RGSL1: variants seen among roughly 807,000 people sequenced by gnomAD.
RGSL1 encodes the protein regulator of G protein signaling protein-like.
Under a neutral mutation model 124.7 loss-of-function variants are expected in RGSL1, and 97 were observed. The observed-to-expected ratio is 0.78, with a 90% CI of 0.66 to 0.92. The LOEUF is 0.92. RGSL1 is among the 40% of genes least tolerant of loss of function. RGSL1 has a pLI of 0.00. For synonymous variants in RGSL1, 424 were observed against 438.1 expected, an observed-to-expected ratio of 0.97 and a Z score of 0.40; for missense variants, 1,233 against 1,288.4, an observed-to-expected ratio of 0.96 and a Z score of 0.66.
At chr1:182,502,603 G>T (rs1012431579) in intron 9 of RGSL1, among the ~76,000 whole-genome samples, 1 of 151,974 alleles carries the variant, frequency 6.6e-6, no homozygotes, top group Non-Finnish European at 1.5e-5. Flanking sequence ...AACAGATTTA[G>T]CATGCTGTTC....
Position 182,472,392 on chromosome 1 carries a change from G to T in RGSL1, c.302-4G>T. 6.5e-7 allele frequency: 1 copy of T among 1,547,878 alleles called. No homozygotes were observed. Among genetic ancestry groups the T allele is most frequent in the Non-Finnish European group, 8.7e-7 (1 of 1,144,402 alleles). ...GCTCTGTGCCTCTTCTGTCTCACCC[G>T]TAGGTGAAGAATTGGTGGATTTCTG... On this transcript the variant is annotated splice_region_variant and splice_polypyrimidine_tract_variant and intron_variant, in intron 4 of 21. Transcript: ENST00000294854.
chr1:182,475,363 G>A (rs940409815), intron 6 of RGSL1, among the ~76,000 whole-genome samples: 2 of 152,168 alleles, frequency 1.3e-5, no homozygotes, highest in African/African-American at 2.4e-5. Context: ...CAAGTTCTTA[G>A]CAGAAAGCAA....
chr1:182,489,152 A>C lies in RGSL1; in HGVS notation c.1667A>C (p.Lys556Thr). The C allele has an allele frequency of 6.4e-7, 1 of 1,551,750 alleles. No homozygotes were observed. The highest frequency in any genetic ancestry group is 8.7e-7 in the Non-Finnish European group (1 of 1,147,006). Reference protein sequence around the residue: ...QWRKIATEDLKQGGSLQVELT... With the variant: ...QWRKIATEDLTQGGSLQVELT... ...CGAAAGATAGCTACTGAGGACCTGA[A>C]GCAAGGAGGCTCTCTCCAGGTAGAG... Residue 556 changes from lysine to threonine, a missense_variant, in exon 8 of 22, where the codon AAG becomes ACG. Transcript: ENST00000294854.
chr1:182,504,461 A>T lies in RGSL1; in HGVS notation c.1825+11332A>T, dbSNP rs541964760. Among the ~76,000 whole-genome samples the T allele has an allele frequency of 2.9e-5, 4 of 139,736 alleles. No individual in the cohort carries two copies. The South Asian group carries it at 6.9e-4, about 24-fold the overall frequency. The allele number at this position is 139,736 out of a possible 152,430, so 91.7% of individuals were successfully genotyped here. ...TTTCCATTGGTTCTTTTTTCCTGTG[A>T]ATGAGCCATACTTTTTTTTTTTTTT... is the stretch of plus-strand genomic sequence containing the variant. On this transcript the variant is annotated intron_variant, in intron 9 of 21. Coordinates refer to ENST00000294854, the MANE Select transcript of RGSL1 (RefSeq NM_001137669.2).
chr1:182,526,553 A>G (rs1658760456), intron 10 of RGSL1, among the ~76,000 whole-genome samples: 1 of 151,818 alleles, frequency 6.6e-6, no homozygotes, highest in Non-Finnish European at 1.5e-5. Context: ...GCACACCTGT[A>G]GTTACAGCTA....
chr1:182,527,728 TA>T lies in RGSL1; in HGVS notation c.2082del (p.Ile694MetfsTer4). On this transcript the variant is annotated frameshift_variant, in exon 11 of 22. Transcript: ENST00000294854. LOFTEE classifies it high-confidence loss of function. Reference protein sequence around the residue: ...ETNEKICKSLIENVIKTFFQG... With the variant: ...ETNEKICKSLXENVIKTFFQG... ...AATGAAAAGATTTGCAAGTCTCTCA[TA>T]GAAAATGTAATCAAGACTTTCTTCC... The T allele has an allele frequency of 6.4e-7, 1 of 1,551,104 alleles. No individual in the cohort carries two copies. Among genetic ancestry groups the T allele is most frequent in the Non-Finnish European group, 8.7e-7 (1 of 1,146,684 alleles).
intron 11 of RGSL1, 56 bp from the exon 12 acceptor site, chr1:182,530,188 T>C (rs1243831551): frequency 7.7e-7 from 1 of 1,305,896 alleles, no homozygotes; most frequent in South Asian, 1.4e-5. Context: ...AACCACCAGC[T>C]ATCTCAGAAA....
intron 14 of RGSL1, among the ~76,000 whole-genome samples, chr1:182,537,296 C>A (rs1659612846): frequency 6.6e-6 from 1 of 152,084 alleles, no homozygotes; most frequent in South Asian, 2.1e-4. Flanking sequence ...AATAAAATTA[C>A]CTTAAGTCTA....
intron 14 of RGSL1, among the ~76,000 whole-genome samples, chr1:182,537,216 C>T (rs974287291): frequency 2.6e-5 from 4 of 152,212 alleles, no homozygotes; most frequent in East Asian, 3.9e-4. Flanking sequence ...CCTAACCTCA[C>T]GTAACAGGTT....
At chr1:182,450,638 C>T (rs1651737304) in intron 1 of RGSL1, 1 of 215,178 alleles carries the variant, frequency 4.6e-6, no homozygotes, top group South Asian at 8.8e-5. Flanking sequence ...TGTACAGAGC[C>T]TTGTCTCTAT....
chr1:182,527,591 A>G lies in RGSL1; in HGVS notation c.1944A>G (p.Glu648=), dbSNP rs1232545685. 6.5e-7 allele frequency: 1 copy of G among 1,543,426 alleles called. No homozygotes were observed. The change falls in exon 11 of 22, where the codon GAA becomes GAG. Residue 648 remains glutamate, a synonymous_variant. Transcript: ENST00000294854. ...KPSMRPRNLT[E]VLLNTQHLEF... is the part of the protein sequence containing the mutation. ...TCTTGTTTTCCAGAAACTTGACAGA[A>G]GTCCTCTTAAATACACAGCACTTGG...
intron 9 of RGSL1, among the ~76,000 whole-genome samples, chr1:182,518,053 GTTTT>G (rs1658031426): frequency 1.4e-5 from 1 of 69,824 alleles, no homozygotes; most frequent in African/African-American, 5.8e-5. Flanking sequence ...TTGTTTGTTT[GTTTT>G]GAGACAGAGT....
chr1:182,527,717 C>T lies in RGSL1; in HGVS notation c.2070C>T (p.Cys690=). 6 of 1,551,068 alleles carry T rather than the reference C, an allele frequency of 3.9e-6. No individual in the cohort carries two copies. The highest frequency in any genetic ancestry group is 5.2e-6 in the Non-Finnish European group (6 of 1,146,622). Residue 690 remains cysteine (C), a synonymous_variant, in exon 11 of 22, where the codon TGC becomes TGT. Coordinates refer to ENST00000294854, the MANE Select transcript of RGSL1 (RefSeq NM_001137669.2). ...KISIETNEKI[C]KSLIENVIKT... ...GTATAGAGACCAATGAAAAGATTTG[C>T]AAGTCTCTCATAGAAAATGTAATCA... is the stretch of plus-strand genomic sequence containing the variant.
At chr1:182,484,497 A>AG (rs1654944862) in intron 6 of RGSL1, among the ~76,000 whole-genome samples, 1 of 152,160 alleles carries the variant, frequency 6.6e-6, no homozygotes, top group African/African-American at 2.4e-5. Flanking sequence ...CAGCAACTGG[A>AG]GGGATAGATG....
At chr1:182,516,236 G>T (rs529527982) in intron 9 of RGSL1, among the ~76,000 whole-genome samples, 1 of 152,230 alleles carries the variant, frequency 6.6e-6, no homozygotes, top group Non-Finnish European at 1.5e-5. Flanking sequence ...AGAAATGCCT[G>T]TTCCCATTTA....
At chr1:182,498,423 G>A (rs957660802) in intron 9 of RGSL1, among the ~76,000 whole-genome samples, 1 of 152,192 alleles carries the variant, frequency 6.6e-6, no homozygotes, top group African/African-American at 2.4e-5. Context: ...CCAAAATCAA[G>A]AAACTAGATT....
intron 9 of RGSL1, among the ~76,000 whole-genome samples, chr1:182,502,020 G>T (rs540251596): frequency 4.0e-4 from 61 of 152,182 alleles, no homozygotes; most frequent in African/African-American, 1.4e-3. Flanking sequence ...CCATAAAATT[G>T]TTTATAGTAG....
At chr1:182,528,494 C>G (rs1658924366) in intron 11 of RGSL1, among the ~76,000 whole-genome samples, 2 of 152,144 alleles carry the variant, frequency 1.3e-5, no homozygotes, top group Non-Finnish European at 2.9e-5. Flanking sequence ...AAATCGAAAG[C>G]AAGTTAGTTA....
Position 182,530,329 on chromosome 1 carries a change from G to A in RGSL1, c.2211G>A (p.Gln737=), listed in dbSNP as rs199889736. 190 of 1,550,914 alleles carry A rather than the reference G, an allele frequency of 1.2e-4. No individual in the cohort carries two copies. The highest frequency in any genetic ancestry group is 2.2e-4 in the Admixed American group (11 of 50,960). Residue 737 remains glutamine (Q), a synonymous_variant, in exon 12 of 22, where the codon CAG becomes CAA. Transcript: ENST00000294854. ...CCACAAGCACACTGTTAACGCTCCA[G>A]GGACATGTTATGAAATCTATAGAAG... ...HVTTSTLLTL[Q]GHVMKSIEEK...
Sources: allele counts gnomAD v4.1 joint callset (sites outside exome capture counted in the v4.1 genomes callset), GRCh38; gene constraint gnomAD v4.1.1; transcripts MANE v1.5; gene names NCBI Gene and HGNC (gene_info 2026-07-23, HGNC 2026-07-21).